The following FERRY3 variants were observed in gnomAD, a reference collection of about 807,000 sequenced individuals.
FERRY3 encodes FERRY endosomal RAB5 effector complex subunit 3.
At chr12:4,523,966 T>A in the FERRY3 span, among the ~76,000 whole-genome samples, 2 of 151,020 alleles carry the variant, frequency 1.3e-5, no homozygotes, top group African/African-American at 4.9e-5. Flanking sequence ...AATAAAAAAA[T>A]TTAAAAAAAA....
At chr12:4,500,482 C>T in the FERRY3 span, 359 of 698,054 alleles carry the variant, frequency 5.1e-4, 2 homozygotes, top group African/African-American at 5.7e-3. Context: ...ATTCAGGAAG[C>T]AACTGTGATT....
the FERRY3 span, chr12:4,491,326 T>C: frequency 8.6e-7 from 1 of 1,163,702 alleles, no homozygotes; most frequent in African/African-American, 1.5e-5. Flanking sequence ...TGACTATCCA[T>C]GTTGTGAACA....
At chr12:4,518,172 T>C in the FERRY3 span, 8 of 1,614,104 alleles carry the variant, frequency 5.0e-6, no homozygotes, top group Non-Finnish European at 5.9e-6. Flanking sequence ...TTCACACCAC[T>C]TCGATGATTT....
At chr12:4,515,407 AAC>A in the FERRY3 span, among the ~76,000 whole-genome samples, 41 of 152,372 alleles carry the variant, frequency 2.7e-4, no homozygotes, top group African/African-American at 9.9e-4. Context: ...AGATACTAAA[AAC>A]ACACCTAAAT....
the FERRY3 span, among the ~76,000 whole-genome samples, chr12:4,503,294 T>C: frequency 6.6e-6 from 1 of 152,216 alleles, no homozygotes; most frequent in Admixed American, 6.5e-5. Context: ...GTTAAGAAGA[T>C]GTGATTTCTA....
chr12:4,510,120 C>T, the FERRY3 span, among the ~76,000 whole-genome samples: 15 of 139,348 alleles, frequency 1.1e-4, no homozygotes, highest in East Asian at 3.9e-4. Context: ...GGAGCCGATG[C>T]GATCAACTGG....
chr12:4,507,902 GAT>G, the FERRY3 span, among the ~76,000 whole-genome samples: 1 of 152,184 alleles, frequency 6.6e-6, no homozygotes, highest in Non-Finnish European at 1.5e-5. Context: ...GTACATGTGA[GAT>G]AGCACTGGGT....
chr12:4,534,702 C>T, the FERRY3 span, among the ~76,000 whole-genome samples: 1 of 152,194 alleles, frequency 6.6e-6, no homozygotes, highest in African/African-American at 2.4e-5. Flanking sequence ...CTTGCCCAGA[C>T]ATGAAATTTT....
the FERRY3 span, among the ~76,000 whole-genome samples, chr12:4,490,084 C>A: frequency 2.0e-5 from 3 of 152,138 alleles, no homozygotes; most frequent in African/African-American, 4.8e-5. Flanking sequence ...CCGGCTCCAT[C>A]TTCTGAGAAC....
chr12:4,530,479 T>C, the FERRY3 span, among the ~76,000 whole-genome samples: 2 of 152,172 alleles, frequency 1.3e-5, no homozygotes, highest in Non-Finnish European at 2.9e-5. Context: ...ATAACTTGCA[T>C]GCATTAGTTA....
the FERRY3 span, among the ~76,000 whole-genome samples, chr12:4,493,461 T>A: frequency 1.3e-5 from 2 of 152,260 alleles, no homozygotes; most frequent in Non-Finnish European, 1.5e-5. Context: ...AATAGGAAGC[T>A]ACTTTTAAAT....
chr12:4,503,776 A>T, the FERRY3 span, among the ~76,000 whole-genome samples: 1 of 152,184 alleles, frequency 6.6e-6, no homozygotes, highest in Non-Finnish European at 1.5e-5. Context: ...CAGAAACAGG[A>T]CTGAGAGACT....
the FERRY3 span, chr12:4,489,147 G>A: frequency 2.0e-5 from 3 of 152,618 alleles, no homozygotes; most frequent in Non-Finnish European, 4.4e-5. Flanking sequence ...CTATTTCCCA[G>A]TCCATGAAAT....
the FERRY3 span, chr12:4,491,328 T>C: frequency 4.3e-6 from 5 of 1,153,248 alleles, no homozygotes; most frequent in Non-Finnish European, 6.4e-6. Context: ...ACTATCCATG[T>C]TGTGAACAGA....
the FERRY3 span, chr12:4,530,151 CAGAA>C: frequency 2.0e-3 from 1,948 of 976,130 alleles, 5 homozygotes; most frequent in Non-Finnish European, 2.6e-3. Context: ...ACTTCAATGA[CAGAA>C]AGACCCTCTT....
chr12:4,516,076 T>G, the FERRY3 span, among the ~76,000 whole-genome samples: 6 of 152,134 alleles, frequency 3.9e-5, no homozygotes, highest in Non-Finnish European at 7.4e-5. Flanking sequence ...CAAAAATAAT[T>G]CATTTAACTG....
chr12:4,493,323 T>C, the FERRY3 span, among the ~76,000 whole-genome samples: 9 of 152,216 alleles, frequency 5.9e-5, no homozygotes, highest in African/African-American at 1.2e-4. Context: ...TTCACCCTTA[T>C]TACCTTTACA....
chr12:4,533,654 A>G, the FERRY3 span, among the ~76,000 whole-genome samples: 33 of 152,334 alleles, frequency 2.2e-4, no homozygotes, highest in South Asian at 4.1e-4. Flanking sequence ...TAAATAGAAA[A>G]TGATATGATG....
the FERRY3 span, among the ~76,000 whole-genome samples, chr12:4,510,747 G>A: frequency 2.7e-4 from 39 of 145,972 alleles, no homozygotes; most frequent in East Asian, 3.9e-3. Context: ...TGAAGGAAGC[G>A]CTAAACATGG....
Sources: gnomAD v4.1 joint callset for allele counts (sites outside exome capture counted in the v4.1 genomes callset) on GRCh38, gnomAD v4.1.1 for gene constraint, MANE v1.5 for transcripts, NCBI Gene and HGNC (gene_info 2026-07-23, HGNC 2026-07-21) for gene names.